Variants in COMMD1 observed in about 807,000 individuals in gnomAD.
COMMD1 encodes COMM domain-containing protein 1.
COMMD1 carries 10 observed loss-of-function variants against 17.2 expected under a neutral mutation model. The ratio of observed to expected loss-of-function variants is 0.58; its 90% CI spans 0.36 to 0.99. The LOEUF (loss-of-function observed/expected upper bound fraction) is 0.99, where lower values mean the gene tolerates loss of function less well. Ranked by LOEUF, COMMD1 falls within the 50% of genes least tolerant of loss-of-function variation. The pLI, the probability that COMMD1 is intolerant of heterozygous loss-of-function variation, is 0.01. For synonymous variants in COMMD1, 97 were observed against 91.6 expected, an observed-to-expected ratio of 1.06 and a Z score of -0.34; for missense variants, 270 against 231.8, an observed-to-expected ratio of 1.17 and a Z score of -1.07.
chr2:62,083,657 A>G (rs1446695960), intron 2 of COMMD1, among the ~76,000 whole-genome samples: 1 of 152,372 alleles, frequency 6.6e-6, no homozygotes, highest in East Asian at 1.9e-4. Flanking sequence ...GATGAAAGGT[A>G]AGTCTAGAGA....
chr2:61,985,534 G>A (rs1469490225), intron 1 of COMMD1, among the ~76,000 whole-genome samples: 2 of 152,094 alleles, frequency 1.3e-5, no homozygotes, highest in Non-Finnish European at 2.9e-5. Context: ...TGGTTGTTTT[G>A]TGGTCTTCTC....
chr2:62,031,805 G>A (rs759624208), intron 2 of COMMD1, among the ~76,000 whole-genome samples: 2 of 152,124 alleles, frequency 1.3e-5, no homozygotes, highest in Admixed American at 6.5e-5. Context: ...AATTATACAG[G>A]GAAAGGCTTG....
At chr2:62,084,161 A>G (rs543010729) in intron 2 of COMMD1, among the ~76,000 whole-genome samples, 2 of 152,278 alleles carry the variant, frequency 1.3e-5, no homozygotes, top group East Asian at 1.9e-4. Flanking sequence ...TCAATTCATT[A>G]TTAAATACAG....
chr2:61,987,761 G>C (rs1277984722), intron 1 of COMMD1, among the ~76,000 whole-genome samples: 1 of 152,186 alleles, frequency 6.6e-6, no homozygotes, highest in East Asian at 1.9e-4. Flanking sequence ...CCATTCAGGG[G>C]ATTGAGTTCT....
intron 2 of COMMD1, among the ~76,000 whole-genome samples, chr2:62,107,351 G>T (rs1672346440): frequency 6.6e-6 from 1 of 152,178 alleles, no homozygotes; most frequent in African/African-American, 2.4e-5. Flanking sequence ...CAACTGGACT[G>T]GTAGCCCCAG....
chr2:62,012,047 A>C (rs535415572), intron 2 of COMMD1, among the ~76,000 whole-genome samples: 2 of 152,190 alleles, frequency 1.3e-5, no homozygotes, highest in South Asian at 4.1e-4. Context: ...CAGGAGTTTG[A>C]GACCAGCCTG....
At chr2:62,068,361 G>A (rs1359182029) in intron 2 of COMMD1, among the ~76,000 whole-genome samples, 1 of 152,160 alleles carries the variant, frequency 6.6e-6, no homozygotes, top group African/African-American at 2.4e-5. Context: ...TTTTAACAGT[G>A]TGCTTTGCAG....
upstream of COMMD1, chr2:61,888,642 G>A (rs1223851313): frequency 3.8e-6 from 4 of 1,054,740 alleles, no homozygotes; most frequent in Non-Finnish European, 5.3e-6. Flanking sequence ...TCGGGAGGAG[G>A]CGGAGGCGGA....
chr2:62,009,379 C>A (rs546806476), intron 2 of COMMD1, among the ~76,000 whole-genome samples: 1 of 151,784 alleles, frequency 6.6e-6, no homozygotes, highest in African/African-American at 2.4e-5. Context: ...CTGAGGCGGG[C>A]GGATCACCTG....
intron 2 of COMMD1, among the ~76,000 whole-genome samples, chr2:62,038,696 A>C (rs1280136440): frequency 1.3e-5 from 2 of 151,994 alleles, no homozygotes; most frequent in Non-Finnish European, 2.9e-5. Flanking sequence ...TTACAGGCAT[A>C]CATCACCACG....
chr2:62,059,333 A>AC (rs1670792798), intron 2 of COMMD1, among the ~76,000 whole-genome samples: 1 of 151,254 alleles, frequency 6.6e-6, no homozygotes, highest in Admixed American at 6.6e-5. Flanking sequence ...TTAAAAAAAA[A>AC]TTTTTTTGTT....
At chr2:62,110,405 A>G (rs1262318211) in intron 2 of COMMD1, among the ~76,000 whole-genome samples, 1 of 152,130 alleles carries the variant, frequency 6.6e-6, no homozygotes, top group Non-Finnish European at 1.5e-5. Flanking sequence ...CTGAATCCCC[A>G]TTGTCTACAA....
intron 1 of COMMD1, among the ~76,000 whole-genome samples, 192 bp from the exon 2 acceptor site, chr2:62,000,509 G>A (rs559790240): frequency 6.6e-6 from 1 of 151,764 alleles, no homozygotes; most frequent in South Asian, 2.1e-4. Context: ...TGGCCAGTTT[G>A]GTCTCTAACT....
At chr2:61,898,620 C>T (rs1669598762) in intron 1 of COMMD1, among the ~76,000 whole-genome samples, 1 of 152,044 alleles carries the variant, frequency 6.6e-6, no homozygotes, top group Non-Finnish European at 1.5e-5. Context: ...CATTTCAGTT[C>T]ACGTTTTATA....
intron 1 of COMMD1, among the ~76,000 whole-genome samples, chr2:61,897,400 T>TA (rs1388609360): frequency 6.6e-6 from 1 of 152,196 alleles, no homozygotes; most frequent in Non-Finnish European, 1.5e-5. Context: ...TCTTGTTAAG[T>TA]TGTGTTTTGT....
chr2:61,985,725 G>A (rs1311529047), intron 1 of COMMD1, among the ~76,000 whole-genome samples: 1 of 152,058 alleles, frequency 6.6e-6, no homozygotes, highest in East Asian at 1.9e-4. Context: ...AACATTGGTA[G>A]CATACATAAA....
intron 2 of COMMD1, among the ~76,000 whole-genome samples, chr2:62,094,558 C>G (rs1365006756): frequency 2.0e-5 from 3 of 152,094 alleles, no homozygotes; most frequent in Non-Finnish European, 4.4e-5. Context: ...AGGTGATAAA[C>G]AGGTGTGTTG....
chr2:62,005,512 C>A (rs548032561), intron 2 of COMMD1, among the ~76,000 whole-genome samples: 3 of 152,246 alleles, frequency 2.0e-5, no homozygotes, highest in Admixed American at 2.0e-4. Context: ...AAAAAAACAA[C>A]CCCATCAAAA....
At chr2:62,035,496 T>A (rs542991103) in intron 2 of COMMD1, among the ~76,000 whole-genome samples, 42 of 152,112 alleles carry the variant, frequency 2.8e-4, no homozygotes, top group African/African-American at 9.6e-4. Flanking sequence ...ATCCCAGCAC[T>A]TTGGGAGACC....
Sources: allele counts gnomAD v4.1 joint callset (sites outside exome capture counted in the v4.1 genomes callset), GRCh38; gene constraint gnomAD v4.1.1; transcripts MANE v1.5; gene names NCBI Gene and HGNC (gene_info 2026-07-23, HGNC 2026-07-21).